The following RAB6A variants were observed in gnomAD, a reference collection of about 807,000 sequenced individuals.
RAB6A encodes the protein ras-related protein Rab-6A.
Under a neutral mutation model 32.3 loss-of-function variants are expected in RAB6A, and 8 were observed. The observed-to-expected ratio is 0.25, with a 90% CI of 0.15 to 0.45. RAB6A has a LOEUF of 0.45. RAB6A is among the 20% of genes least tolerant of loss of function. The probability of loss-of-function intolerance (pLI) is 1.00; values close to 1 mark genes in which losing one functional copy is unlikely to be tolerated. For missense variants in RAB6A, 104 were observed against 249.4 expected, an observed-to-expected ratio of 0.42 and a Z score of 3.93; for synonymous variants, 73 against 82.1, an observed-to-expected ratio of 0.89 and a Z score of 0.60.
chr11:73,737,299 A>C (rs1946413099), intron 1 of RAB6A, among the ~76,000 whole-genome samples: 1 of 152,030 alleles, frequency 6.6e-6, no homozygotes. Context: ...AGCCTGGGCA[A>C]ATAAGCGAGA....
chr11:73,753,620 A>G (rs1301069699), intron 1 of RAB6A, among the ~76,000 whole-genome samples: 2 of 152,030 alleles, frequency 1.3e-5, no homozygotes, highest in Non-Finnish European at 2.9e-5. Context: ...CTGAGGCAGG[A>G]GAATGGCATG....
At chr11:73,756,298 G>T (rs1375177838) in intron 1 of RAB6A, among the ~76,000 whole-genome samples, 1 of 152,134 alleles carries the variant, frequency 6.6e-6, no homozygotes, top group Non-Finnish European at 1.5e-5. Flanking sequence ...AGGGTGCAGT[G>T]AGCTGAGATC....
intron 6 of RAB6A, among the ~76,000 whole-genome samples, chr11:73,693,755 C>T (rs1392999347): frequency 6.6e-6 from 1 of 151,664 alleles, no homozygotes. Flanking sequence ...GTGGTGGACG[C>T]CTGTAGTCCC....
At chr11:73,688,861 T>C (rs1426303295) in intron 6 of RAB6A, among the ~76,000 whole-genome samples, 1 of 152,198 alleles carries the variant, frequency 6.6e-6, no homozygotes, top group Non-Finnish European at 1.5e-5. Context: ...CACCAGGCAG[T>C]GGCTCACTCT....
At position 73,677,914 on chromosome 11, in the gene RAB6A, C is replaced by T; in HGVS notation, c.611G>A (p.Gly204Glu). ...CATGGGAGATTAGCAGGAACAGCCT[C>T]CTTCACTGACTGGTTGCTCCTGAGG... ...EKPQEQPVSE[G>E]GCSC Residue 204 changes from glycine (G) to glutamate (E), a missense_variant, in exon 8 of 8, where the codon GGA (glycine) becomes GAA (glutamate). Physicochemically the swap from Gly to Glu is moderately conservative, Grantham distance 98. Coordinates refer to ENST00000336083, the MANE Select transcript of RAB6A (RefSeq NM_198896.2). 1.2e-6 allele frequency: 2 copies of T among 1,614,192 alleles called. No individual in the cohort carries two copies. The highest frequency in any genetic ancestry group is 1.7e-6 in the Non-Finnish European group (2 of 1,180,032).
intron 1 of RAB6A, among the ~76,000 whole-genome samples, chr11:73,743,631 A>G (rs1390256518): frequency 6.6e-6 from 1 of 151,992 alleles, no homozygotes; most frequent in Non-Finnish European, 1.5e-5. Flanking sequence ...AAAAACCACC[A>G]ACCAAAAAAA....
chr11:73,744,332 C>T (rs1437597286), intron 1 of RAB6A, among the ~76,000 whole-genome samples: 3 of 96,656 alleles, frequency 3.1e-5, no homozygotes, highest in Non-Finnish European at 6.4e-5. Context: ...AGGGAGACTC[C>T]ATCTCAAAAA....
At position 73,707,510 on chromosome 11, in the gene RAB6A, T is replaced by C. The variant is rs995985148; in HGVS notation, c.405A>G (p.Gln135=). The stretch of plus-strand genomic sequence containing the variant: ...TCCTCTCTCCCTCCTCAATTGACAC[T>C]TGCCTGTAAAGAAACAAACAAACTT... The part of the protein sequence containing the change: ...GNKTDLADKR[Q]VSIEEGERKA... The change falls in exon 6 of 8, where the codon CAA becomes CAG. Residue 135 remains glutamine (Q), a synonymous_variant. Coordinates refer to ENST00000336083, the MANE Select transcript of RAB6A (RefSeq NM_198896.2). The C allele has an allele frequency of 5.6e-6, 9 of 1,607,690 alleles. No individual in the cohort carries two copies. Among genetic ancestry groups the C allele is most frequent in the Admixed American group, 3.3e-5 (2 of 59,912 alleles).
At chr11:73,681,470 A>G (rs1945355360) in intron 6 of RAB6A, among the ~76,000 whole-genome samples, 1 of 152,224 alleles carries the variant, frequency 6.6e-6, no homozygotes, top group East Asian at 1.9e-4. Context: ...AAAGAACAGA[A>G]TGCCTAGAAG....
intron 1 of RAB6A, among the ~76,000 whole-genome samples, chr11:73,739,619 AAACT>A: frequency 6.6e-6 from 1 of 152,078 alleles, no homozygotes; most frequent in Admixed American, 6.6e-5. Flanking sequence ...AAAGTTAGAT[AAACT>A]AATTATTGGG....
intron 3 of RAB6A, among the ~76,000 whole-genome samples, chr11:73,719,328 T>C (rs1176573617): frequency 6.6e-6 from 1 of 152,234 alleles, no homozygotes; most frequent in Non-Finnish European, 1.5e-5. Context: ...TGAAAGCTTC[T>C]CTCAAGCTAA....
chr11:73,720,422 T>A (rs1590860854), intron 3 of RAB6A, among the ~76,000 whole-genome samples: 1 of 152,174 alleles, frequency 6.6e-6, no homozygotes, highest in Admixed American at 6.5e-5. Flanking sequence ...CCTCAGATGA[T>A]CCACCTGCCT....
chr11:73,695,968 C>A (rs1028632506), intron 6 of RAB6A, among the ~76,000 whole-genome samples: 1 of 152,078 alleles, frequency 6.6e-6, no homozygotes, highest in South Asian at 2.1e-4. Flanking sequence ...AAGAGATACA[C>A]TGGAGAAGGA....
At chr11:73,717,668 T>C (rs886245027) in intron 4 of RAB6A, among the ~76,000 whole-genome samples, 3 of 152,172 alleles carry the variant, frequency 2.0e-5, no homozygotes, top group African/African-American at 7.2e-5. Flanking sequence ...GGTCTCAAAC[T>C]CCTGACCTCA....
intron 2 of RAB6A, 115 bp from the exon 3 acceptor site, chr11:73,721,014 A>C (rs1946126591): frequency 1.3e-6 from 1 of 799,506 alleles, no homozygotes; most frequent in African/African-American, 1.7e-5. Flanking sequence ...AATCAATACA[A>C]CATAGTCAAT....
chr11:73,695,839 C>T (rs1345403587), intron 6 of RAB6A, among the ~76,000 whole-genome samples: 1 of 152,110 alleles, frequency 6.6e-6, no homozygotes, highest in Non-Finnish European at 1.5e-5. Flanking sequence ...ACAGCTAGTA[C>T]AGTAATTAGT....
chr11:73,701,033 C>T (rs1327435862), intron 6 of RAB6A, among the ~76,000 whole-genome samples: 1 of 151,926 alleles, frequency 6.6e-6, no homozygotes, highest in Non-Finnish European at 1.5e-5. Flanking sequence ...AAAAAGAAAA[C>T]AGTAACTGTG....
chr11:73,732,327 C>T (rs893339253), intron 1 of RAB6A, among the ~76,000 whole-genome samples: 1 of 152,120 alleles, frequency 6.6e-6, no homozygotes, highest in African/African-American at 2.4e-5. Context: ...TGGCTCACGC[C>T]TGTAATCCCA....
At chr11:73,714,213 T>TAA (rs1946015878) in intron 5 of RAB6A, among the ~76,000 whole-genome samples, 1 of 93,942 alleles carries the variant, frequency 1.1e-5, no homozygotes, top group Non-Finnish European at 2.3e-5. Flanking sequence ...AAAAAAAATA[T>TAA]ATATATATAT....
Sources: allele counts gnomAD v4.1 joint callset (sites outside exome capture counted in the v4.1 genomes callset), GRCh38; gene constraint gnomAD v4.1.1; transcripts MANE v1.5; gene names NCBI Gene and HGNC (gene_info 2026-07-23, HGNC 2026-07-21).